FCHO1: variants seen among roughly 807,000 people sequenced by gnomAD.
FCHO1 encodes FCH and mu domain containing endocytic adaptor 1, also known as F-BAR domain only protein 1.
FCHO1 carries 45 observed loss-of-function variants against 114.4 expected under a neutral mutation model. That is an observed-to-expected ratio of 0.39 (90% CI 0.31 to 0.50). The LOEUF (loss-of-function observed/expected upper bound fraction) is 0.50, where lower values mean the gene tolerates loss of function less well. Among genes scored for constraint, FCHO1 ranks in the 20% least tolerant of loss-of-function variants. The pLI, the probability that FCHO1 is intolerant of heterozygous loss-of-function variation, is 0.77. For missense variants in FCHO1, 1,042 were observed against 1,209.6 expected, an observed-to-expected ratio of 0.86 and a Z score of 2.06; for synonymous variants, 480 against 488.9, an observed-to-expected ratio of 0.98 and a Z score of 0.24.
rs769982308 is a variant in FCHO1 at position 17,781,728 on chromosome 19, G to C, written c.1845G>C (p.Pro615=). ...CACCCCCAGGAGTCTCCCGGGGTCC[G>C]AGCCCTGTGGTCCTGGGCTCCCAGG... is the stretch of plus-strand genomic sequence containing the variant. The part of the protein sequence containing the change: ...SQTGHGVSRG[P]SPVVLGSQDA... The change falls in exon 23 of 29, where the codon CCG becomes CCC. Residue 615 remains proline, a synonymous_variant. Coordinates refer to ENST00000596536, the MANE Select transcript of FCHO1 (RefSeq NM_015122.3). The C allele has an allele frequency of 1.9e-6, 3 of 1,607,530 alleles. No homozygotes were observed. Among genetic ancestry groups the C allele is most frequent in the Admixed American group, 3.4e-5 (2 of 58,908 alleles).
At chr19:17,780,000 G>A (rs2093210098) in intron 20 of FCHO1, among the ~76,000 whole-genome samples, 1 of 151,670 alleles carries the variant, frequency 6.6e-6, no homozygotes, top group African/African-American at 2.4e-5. Flanking sequence ...TGAGGAGAAT[G>A]GGAAGCCCCC....
At chr19:17,755,019 C>T (rs987043882) in intron 3 of FCHO1, 99 bp from the exon 4 acceptor site, 2 of 801,868 alleles carry the variant, frequency 2.5e-6, no homozygotes, top group South Asian at 2.8e-5. Flanking sequence ...TTCAGTTCCT[C>T]CTTCATCCTT....
intron 20 of FCHO1, among the ~76,000 whole-genome samples, chr19:17,779,604 T>G (rs1391290455): frequency 1.4e-4 from 6 of 42,418 alleles, no homozygotes; most frequent in Admixed American, 3.1e-4. Flanking sequence ...AGGAGGAGGA[T>G]GGGGAAGGAG....
upstream of FCHO1, among the ~76,000 whole-genome samples, chr19:17,748,303 G>A (rs1472752341): frequency 2.6e-5 from 4 of 152,108 alleles, no homozygotes; most frequent in Non-Finnish European, 1.5e-5. Context: ...CAGGCCTGGT[G>A]GCTGGAGGAG....
chr19:17,758,960 C>T (rs529795936), intron 4 of FCHO1, among the ~76,000 whole-genome samples: 6 of 152,082 alleles, frequency 3.9e-5, no homozygotes, highest in East Asian at 1.9e-4. Context: ...GGAGACAGAG[C>T]GAGACCCTGT....
chr19:17,787,713 G>C lies in FCHO1; in HGVS notation c.2514G>C (p.Pro838=), dbSNP rs754360221. 2.5e-6 allele frequency: 4 copies of C among 1,572,212 alleles called. No individual in the cohort carries two copies. Among genetic ancestry groups the C allele is most frequent in the Non-Finnish European group, 2.6e-6 (3 of 1,159,476 alleles). The change falls in exon 28 of 29, where the codon CCG becomes CCC. Residue 838 remains proline, a synonymous_variant. Transcript: ENST00000596536. ...GSGRLSASWE[P]LSGPSTPSPV... is the part of the protein sequence containing the mutation. Reference sequence around the variant, plus strand: ...GCCGCCTCTCTGCCAGCTGGGAGCCGCTCTCAGGGCCCAGCACACCCAGCC... The same window carrying C: ...GCCGCCTCTCTGCCAGCTGGGAGCCCCTCTCAGGGCCCAGCACACCCAGCC...
At chr19:17,778,973 T>A in intron 20 of FCHO1, 89 bp downstream of exon 20, 1 of 1,339,636 alleles carries the variant, frequency 7.5e-7, no homozygotes, top group Non-Finnish European at 9.9e-7. Context: ...ATCAGGCTGC[T>A]GGAGACACAG....
At position 17,774,481 on chromosome 19, in the gene FCHO1, G is replaced by A; in HGVS notation, c.920+3G>A. ...GAGCCAGAGCCACCTGCAGCTGTGT[G>A]AGGAAGCACCCCTGCCCGGTCTGGC... On this transcript the variant is annotated splice_donor_region_variant and intron_variant, in intron 13 of 28. Coordinates refer to ENST00000596536, the MANE Select transcript of FCHO1 (RefSeq NM_015122.3). 6.2e-7 allele frequency: 1 copy of A among 1,612,230 alleles called. No individual in the cohort carries two copies. The highest frequency in any genetic ancestry group is 8.5e-7 in the Non-Finnish European group (1 of 1,179,708).
intron 19 of FCHO1, 75 bp from the exon 20 acceptor site, chr19:17,778,534 C>G: frequency 1.4e-6 from 2 of 1,445,998 alleles, no homozygotes; most frequent in Non-Finnish European, 1.8e-6. Context: ...TCGACGTGGC[C>G]GTGGCCTGCA....
Position 17,775,327 on chromosome 19 carries a change from C to A in FCHO1, c.946-129C>A. 1 of 972,154 alleles carries A rather than the reference C, an allele frequency of 1.0e-6. No individual in the cohort carries two copies. The highest frequency in any genetic ancestry group is 1.6e-6 in the Non-Finnish European group (1 of 608,358). 60.2% of individuals were successfully genotyped at this position (972,154 alleles called of 1,614,324 possible). On this transcript the variant is annotated intron_variant, in intron 14 of 28. Transcript: ENST00000596536. The surrounding 1 kb of genome is among the most constrained non-coding windows in gnomAD (Gnocchi z 5.1). ...TGCCCACACACCCAGGGAAGACAGT[C>A]GTTGCCATCAGGGTTGGTTTTGAGG...
intron 4 of FCHO1, among the ~76,000 whole-genome samples, chr19:17,761,175 C>T (rs2146521049): frequency 6.6e-6 from 1 of 152,262 alleles, no homozygotes; most frequent in East Asian, 1.9e-4. Context: ...AACTCAAATG[C>T]CCTTTCTGTC....
rs1440973695 is a variant in FCHO1 at position 17,784,880 on chromosome 19, G to T, written c.2382G>T (p.Val794=). The T allele has an allele frequency of 2.5e-6, 4 of 1,613,294 alleles. No homozygotes were observed. The highest frequency in any genetic ancestry group is 1.3e-5 in the African/African-American group (1 of 75,050). ...PLTNVQILLP[V]GEPVTNVRLQ... ...CGAACGTCCAGATCCTGCTGCCTGT[G>T]GGGGAGCCTGTGACCAACGTCCGCT... The change falls in exon 26 of 29, where the codon GTG becomes GTT. Residue 794 remains valine, a synonymous_variant. Coordinates refer to ENST00000596536, the MANE Select transcript of FCHO1 (RefSeq NM_015122.3). The surrounding 1 kb of genome is among the most constrained non-coding windows in gnomAD (Gnocchi z 5.3).
At chr19:17,767,563 T>TCAAAAAAAA (rs759888511) in intron 7 of FCHO1, among the ~76,000 whole-genome samples, 1 of 114,328 alleles carries the variant, frequency 8.7e-6, no homozygotes, top group Non-Finnish European at 1.7e-5. Flanking sequence ...AAAGACTGTC[T>TCAAAAAAAA]AAAAAAAAAA....
chr19:17,781,947 C>T, intron 23 of FCHO1, 127 bp downstream of exon 23: 1 of 600,130 alleles, frequency 1.7e-6, no homozygotes, highest in Non-Finnish European at 2.8e-6. Context: ...AGCCAAGTGA[C>T]CAGGCCCCTG....
chr19:17,785,066 T>A, intron 26 of FCHO1, 142 bp downstream of exon 26: 1 of 774,080 alleles, frequency 1.3e-6, no homozygotes, highest in Non-Finnish European at 2.1e-6. Flanking sequence ...AAGGGTGATG[T>A]TATGAGTGCC....
Position 17,775,245 on chromosome 19 carries a change from A to G in FCHO1, c.945+165A>G, listed in dbSNP as rs537420404. Among the ~76,000 whole-genome samples, 1 of 152,240 alleles carries G rather than the reference A, an allele frequency of 6.6e-6. No individual in the cohort carries two copies. The highest frequency in any genetic ancestry group is 1.9e-4 in the East Asian group (1 of 5,186). On this transcript the variant is annotated intron_variant, in intron 14 of 28. Transcript: ENST00000596536. The surrounding 1 kb of genome is among the most constrained non-coding windows in gnomAD (Gnocchi z 5.1). ...TATCCCACCTCAGCTGCAAAGTCCCATGGACTACGTGGGTGTGAATAATGT... is the reference window on the plus strand; with the variant it reads ...TATCCCACCTCAGCTGCAAAGTCCCGTGGACTACGTGGGTGTGAATAATGT...
rs898210764 is a variant in FCHO1 at position 17,772,732 on chromosome 19, G to C, written c.781G>C (p.Glu261Gln). The C allele has an allele frequency of 1.2e-6, 2 of 1,613,972 alleles. No individual in the cohort carries two copies. Among genetic ancestry groups the C allele is most frequent in the Non-Finnish European group, 1.7e-6 (2 of 1,179,974 alleles). The change falls in exon 11 of 29, where the codon GAG (glutamate) becomes CAG (glutamine). Residue 261 changes from glutamate (E) to glutamine (Q), a missense_variant. Glu to Gln is a conservative substitution (Grantham distance 29, BLOSUM62 2). Around this residue, in one of 3 missense-constraint regions of FCHO1, gnomAD observed 450 missense variants for 564.1 expected, o/e 0.80. Coordinates refer to ENST00000596536, the MANE Select transcript of FCHO1 (RefSeq NM_015122.3). ...KFAESKGTGR[E>Q]KPGPLDFEAY... ...TGCAGAGAGTAAGGGCACAGGCCGG[G>C]AGAAGCCTGGTGAGTCAGGGCAGCC...
In FCHO1 at chr19:17,778,312, C is replaced by G. The variant is rs138974462; in HGVS notation, c.1351+84C>G. The G allele has an allele frequency of 6.4e-4, 746 of 1,169,490 alleles. 3 individuals are homozygous for G. The Middle Eastern group carries it at 9.2e-3, about 14-fold the overall frequency. 72.4% of individuals were successfully genotyped at this position (1,169,490 alleles called of 1,614,324 possible). A position where few individuals can be genotyped will look rare whatever the true frequency, so the allele number is the denominator to read the frequency against. ...CATTGCAGAGTTAGGCCAATGAGGT[C>G]CCCTGGAAGCCAGGCTGGAGGGAGG... On this transcript the variant is annotated intron_variant, in intron 19 of 28. Coordinates refer to ENST00000596536, the MANE Select transcript of FCHO1 (RefSeq NM_015122.3).
Position 17,788,494 on chromosome 19 carries a change from A to G in FCHO1, c.*188A>G, listed in dbSNP as rs2094113604. The stretch of plus-strand genomic sequence containing the variant: ...CCTCCCCCTCATGCCAACCCCACAC[A>G]GGTCCCGGCCTTTTAATGTTCTTTG... On this transcript the variant is annotated 3_prime_UTR_variant, in exon 29 of 29. Transcript: ENST00000596536. 1 of 571,284 alleles carries G rather than the reference A, an allele frequency of 1.8e-6. No individual in the cohort carries two copies. The highest frequency in any genetic ancestry group is 3.2e-6 in the Non-Finnish European group (1 of 317,252). 35.4% of individuals were successfully genotyped at this position (571,284 alleles called of 1,614,324 possible).
Sources: allele counts gnomAD v4.1 joint callset (sites outside exome capture counted in the v4.1 genomes callset), GRCh38; gene constraint gnomAD v4.1.1; regional missense constraint gnomAD v4.1.1; non-coding constraint Gnocchi (gnomAD v3.1); transcripts MANE v1.5; gene names NCBI Gene and HGNC (gene_info 2026-07-23, HGNC 2026-07-21).